Variants in TBL1X observed in about 807,000 individuals in gnomAD.
TBL1X encodes transducin beta like 1 X-linked.
A neutral mutation model predicts 50.7 loss-of-function variants in TBL1X; 10 were observed. The observed-to-expected ratio is 0.20, with a 90% CI of 0.12 to 0.33. The LOEUF (loss-of-function observed/expected upper bound fraction) is 0.33. Among genes scored for constraint, TBL1X ranks in the 10% least tolerant of loss-of-function variants. The pLI is 1.00. For synonymous variants in TBL1X, 190 were observed against 214.7 expected, an observed-to-expected ratio of 0.88 and a Z score of 1.01; for missense variants, 340 against 504.4, an observed-to-expected ratio of 0.67 and a Z score of 3.12.
intron 2 of TBL1X, among the ~76,000 whole-genome samples, chrX:9,558,618 A>G: frequency 9.0e-6 from 1 of 111,608 alleles, no homozygotes; most frequent in Non-Finnish European, 1.9e-5. Flanking sequence ...AGAAGTGAAC[A>G]TAGTGGTTAC....
chrX:9,641,788 CTTTTT>C (rs990340291), intron 3 of TBL1X, among the ~76,000 whole-genome samples: 1 of 112,292 alleles, frequency 8.9e-6, no homozygotes, highest in African/African-American at 3.2e-5. Context: ...TGTGTCATTT[CTTTTT>C]ATGTCAGAAT....
intron 15 of TBL1X, among the ~76,000 whole-genome samples, chrX:9,710,503 T>C (rs190419344): frequency 4.8e-4 from 54 of 111,991 alleles, no homozygotes; most frequent in African/African-American, 1.6e-3. Flanking sequence ...CGAGTTGTTT[T>C]GTGATGACTC....
At chrX:9,681,749 T>TA (rs959212588) in intron 5 of TBL1X, among the ~76,000 whole-genome samples, 11 of 113,026 alleles carry the variant, frequency 9.7e-5, no homozygotes, top group African/African-American at 3.5e-4. Context: ...TGTTTCTAGA[T>TA]ACTGTTTCAT....
chrX:9,464,825 G>A (rs1016830567), upstream of TBL1X, among the ~76,000 whole-genome samples: 2 of 110,667 alleles, frequency 1.8e-5, no homozygotes, highest in Non-Finnish European at 3.8e-5. Flanking sequence ...TAGGGACGCT[G>A]GTCCCCCGAC....
intron 2 of TBL1X, among the ~76,000 whole-genome samples, chrX:9,568,822 A>G (rs1343035118): frequency 1.9e-5 from 2 of 104,393 alleles, no homozygotes; most frequent in South Asian, 4.3e-4. Context: ...TGTTGTGTCT[A>G]TCTGTGCAGT....
rs977291648 is a variant in TBL1X, at chrX:9,697,509, C to G, written c.1114+80C>G. The G allele has an allele frequency of 6.9e-6, 8 of 1,164,805 alleles. No individual in the cohort carries two copies. The South Asian group carries it at 7.5e-5, about 11-fold the overall frequency. Reference sequence around the variant, plus strand: ...AATTCAGGTCGAGCCCAGTGGCTTACGCCTGTAATCCCAGCACTTTGGGAA... The same window carrying G: ...AATTCAGGTCGAGCCCAGTGGCTTAGGCCTGTAATCCCAGCACTTTGGGAA... On this transcript the variant is annotated intron_variant, in intron 12 of 17. Coordinates refer to ENST00000645353, the MANE Select transcript of TBL1X (RefSeq NM_005647.4).
chrX:9,577,157 G>A (rs2082416825), intron 2 of TBL1X, among the ~76,000 whole-genome samples: 1 of 112,179 alleles, frequency 8.9e-6, no homozygotes, highest in South Asian at 3.7e-4. Context: ...CATGCATGAT[G>A]TACGGAATGT....
intron 1 of TBL1X, among the ~76,000 whole-genome samples, chrX:9,488,972 C>T (rs896016294): frequency 2.7e-5 from 3 of 111,189 alleles, no homozygotes; most frequent in Non-Finnish European, 5.6e-5. Context: ...AGGTTTGAGC[C>T]ACCATGCTTG....
chrX:9,500,753 G>C (rs758450483), intron 1 of TBL1X, among the ~76,000 whole-genome samples: 1 of 112,221 alleles, frequency 8.9e-6, no homozygotes, highest in African/African-American at 3.2e-5. Context: ...AGGGCCATGT[G>C]CCCAGAGCAT....
intron 5 of TBL1X, among the ~76,000 whole-genome samples, chrX:9,671,514 C>T (rs1220086902): frequency 1.8e-5 from 2 of 113,302 alleles, no homozygotes; most frequent in African/African-American, 3.2e-5. Flanking sequence ...CTGTATCTGT[C>T]GTTGGTGCAT....
At chrX:9,632,606 T>G (rs2082727326) in intron 2 of TBL1X, among the ~76,000 whole-genome samples, 1 of 111,945 alleles carries the variant, frequency 8.9e-6, no homozygotes, top group African/African-American at 3.3e-5. Context: ...AGTAACATAT[T>G]TTATCATCTC....
At chrX:9,640,873 C>T (rs976346259) in intron 3 of TBL1X, among the ~76,000 whole-genome samples, 16 of 111,434 alleles carry the variant, frequency 1.4e-4, no homozygotes, top group Non-Finnish European at 2.6e-4. Flanking sequence ...TCAAGTGATC[C>T]GCCCACCTTG....
chrX:9,688,207 C>T lies in TBL1X; in HGVS notation c.548C>T (p.Ser183Phe). ...TAATTTSAGVSHQNPSKNREA... is the reference protein window; with the variant it reads ...TAATTTSAGVFHQNPSKNREA... Reference sequence around the variant, plus strand: ...GCCACCACGACCTCAGCCGGCGTTTCCCACCAAAATCCATCGAAGAACAGA... The same window carrying T: ...GCCACCACGACCTCAGCCGGCGTTTTCCACCAAAATCCATCGAAGAACAGA... The change falls in exon 7 of 18, where the codon TCC becomes TTC. Residue 183 changes from serine to phenylalanine, a missense_variant. Physicochemically the swap from Ser to Phe is radical, Grantham distance 155. Transcript: ENST00000645353. The T allele has an allele frequency of 2.5e-6, 3 of 1,200,499 alleles. No individual in the cohort carries two copies. The highest frequency in any genetic ancestry group is 2.3e-4 in the Middle Eastern group (1 of 4,339).
chrX:9,554,026 G>T (rs1392368989), intron 2 of TBL1X, among the ~76,000 whole-genome samples: 1 of 111,162 alleles, frequency 9.0e-6, no homozygotes, highest in Non-Finnish European at 1.9e-5. Context: ...GACTACAGGT[G>T]TGCACCTCCA....
chrX:9,486,088 G>A (rs981655238), intron 1 of TBL1X, among the ~76,000 whole-genome samples: 5 of 110,296 alleles, frequency 4.5e-5, no homozygotes, highest in African/African-American at 9.9e-5. Context: ...ATGAACAGCC[G>A]ACAGCATTTA....
chrX:9,559,237 A>G (rs2082314130), intron 2 of TBL1X, among the ~76,000 whole-genome samples: 1 of 111,915 alleles, frequency 8.9e-6, no homozygotes, highest in African/African-American at 3.3e-5. Flanking sequence ...TTGTCCTACC[A>G]TGATCTTCTC....
chrX:9,550,836 G>A (rs1012391331), intron 2 of TBL1X, among the ~76,000 whole-genome samples: 1 of 111,535 alleles, frequency 9.0e-6, no homozygotes, highest in African/African-American at 3.3e-5. Flanking sequence ...TGTGTTCCTT[G>A]GGGGACATTT....
chrX:9,679,217 CCCCAACCATGGTGGGGTTGATGGGA>C (rs2083011458), intron 5 of TBL1X, among the ~76,000 whole-genome samples: 1 of 108,488 alleles, frequency 9.2e-6, no homozygotes, highest in Admixed American at 1.0e-4. Flanking sequence ...GGTGTCAATT[CCCCAACCATGGTGGGGTTGATGGGA>C]CAATATTGGA....
intron 12 of TBL1X, among the ~76,000 whole-genome samples, chrX:9,700,087 C>G (rs1489306510): frequency 8.9e-6 from 1 of 112,319 alleles, no homozygotes; most frequent in Non-Finnish European, 1.9e-5. Flanking sequence ...CCATGCCAGA[C>G]ACTTGCTACT....
Sources: allele counts gnomAD v4.1 joint callset (sites outside exome capture counted in the v4.1 genomes callset), GRCh38; gene constraint gnomAD v4.1.1; transcripts MANE v1.5; gene names NCBI Gene and HGNC (gene_info 2026-07-23, HGNC 2026-07-21).